The following FGF12 variants were observed in gnomAD, a reference collection of about 807,000 sequenced individuals.
FGF12 encodes the protein fibroblast growth factor 12, also known as fibroblast growth factor 12B.
Under a neutral mutation model 23.6 loss-of-function variants are expected in FGF12, and 14 were observed. The ratio of observed to expected loss-of-function variants is 0.59; its 90% confidence interval spans 0.39 to 0.93. FGF12 has a LOEUF of 0.93. Ranked by LOEUF, FGF12 falls within the 40% of genes least tolerant of loss-of-function variation. The pLI, the probability that FGF12 is intolerant of heterozygous loss-of-function variation, is 0.00. For missense variants in FGF12, 175 were observed against 217.8 expected, an observed-to-expected ratio of 0.80 and a Z score of 1.24; for synonymous variants, 62 against 77.3, an observed-to-expected ratio of 0.80 and a Z score of 1.04.
chr3:192,601,363 T>C (rs1714108288), intron 2 of FGF12, among the ~76,000 whole-genome samples: 1 of 152,146 alleles, frequency 6.6e-6, no homozygotes, highest in African/African-American at 2.4e-5. Flanking sequence ...GAGTAAGTTC[T>C]AGTGTTCCAT....
Position 192,439,753 on chromosome 3 carries a change from A to G in FGF12, c.14-79215T>C, listed in dbSNP as rs557997179. ...GCACTTTGGGAGGCCAAGGTGGGTG[A>G]ATCACAAGGTCAGGAGTTCAAGACC... On this transcript the variant is annotated intron_variant, in intron 2 of 5. Coordinates refer to ENST00000445105, the MANE Select transcript of FGF12 (RefSeq NM_004113.6). Among the ~76,000 whole-genome samples, 171 of 152,140 alleles carry G rather than the reference A, an allele frequency of 1.1e-3. 1 individual carries two copies. The highest frequency in any genetic ancestry group is 1.9e-3 in the Admixed American group (29 of 15,278).
chr3:192,654,908 A>T (rs753566187), intron 2 of FGF12, among the ~76,000 whole-genome samples: 1 of 152,164 alleles, frequency 6.6e-6, no homozygotes, highest in African/African-American at 2.4e-5. Context: ...AAAAAAAAAT[A>T]GTCAACTAGA....
At chr3:192,424,398 T>C (rs1402205911) in intron 2 of FGF12, among the ~76,000 whole-genome samples, 1 of 152,202 alleles carries the variant, frequency 6.6e-6, no homozygotes, top group Non-Finnish European at 1.5e-5. Context: ...ACATAGGAGC[T>C]GAAAGGCAGG....
chr3:192,499,245 T>C (rs1044421127), intron 2 of FGF12, among the ~76,000 whole-genome samples: 9 of 151,964 alleles, frequency 5.9e-5, no homozygotes, highest in East Asian at 5.8e-4. Flanking sequence ...ATGAGAATTT[T>C]GAGAGTCAAA....
chr3:192,573,029 C>A (rs1344139243), intron 2 of FGF12, among the ~76,000 whole-genome samples: 1 of 152,074 alleles, frequency 6.6e-6, no homozygotes, highest in Non-Finnish European at 1.5e-5. Flanking sequence ...AAGGTATTTT[C>A]TTTTATACTT....
At chr3:192,539,856 T>C (rs1725321940) in intron 2 of FGF12, among the ~76,000 whole-genome samples, 1 of 152,136 alleles carries the variant, frequency 6.6e-6, no homozygotes, top group Non-Finnish European at 1.5e-5. Flanking sequence ...TTTTGGATTT[T>C]TTTTCATGTT....
intron 4 of FGF12, among the ~76,000 whole-genome samples, chr3:192,172,390 C>G (rs980034420): frequency 6.8e-6 from 1 of 147,864 alleles, no homozygotes; most frequent in Non-Finnish European, 1.5e-5. Context: ...GGATCTCAAC[C>G]CCCCCTTCAA....
At chr3:192,625,638 A>G (rs1174741477) in intron 2 of FGF12, among the ~76,000 whole-genome samples, 1 of 152,186 alleles carries the variant, frequency 6.6e-6, no homozygotes, top group African/African-American at 2.4e-5. Context: ...AAATACATAA[A>G]GGAAAAATCT....
chr3:192,280,621 TA>T (rs930725809), intron 4 of FGF12, among the ~76,000 whole-genome samples: 2 of 151,996 alleles, frequency 1.3e-5, no homozygotes, highest in African/African-American at 4.8e-5. Context: ...TTTATGATAT[TA>T]TTTTTTTCTC....
chr3:192,446,289 G>C (rs896541064), intron 2 of FGF12, among the ~76,000 whole-genome samples: 6 of 152,160 alleles, frequency 3.9e-5, no homozygotes, highest in African/African-American at 1.4e-4. Flanking sequence ...GAAAAACATA[G>C]ATTGGTATTC....
chr3:192,713,354 A>G (rs775005740), intron 2 of FGF12, among the ~76,000 whole-genome samples: 5 of 152,206 alleles, frequency 3.3e-5, no homozygotes, highest in Non-Finnish European at 7.4e-5. Flanking sequence ...AATATCAACA[A>G]GAGTCGAAAG....
chr3:192,474,551 T>C (rs1212954936), intron 2 of FGF12, among the ~76,000 whole-genome samples: 1 of 152,112 alleles, frequency 6.6e-6, no homozygotes, highest in Non-Finnish European at 1.5e-5. Context: ...TTTTGTTGGG[T>C]TCACAGATGT....
chr3:192,583,914 G>C (rs1713262986), intron 2 of FGF12, among the ~76,000 whole-genome samples: 1 of 152,150 alleles, frequency 6.6e-6, no homozygotes, highest in Non-Finnish European at 1.5e-5. Context: ...TACAAAGCCT[G>C]CTGAGCTGTT....
intron 2 of FGF12, among the ~76,000 whole-genome samples, chr3:192,401,784 T>C (rs67772444): frequency 0.25 from 38,410 of 152,156 alleles, 5,950 homozygotes; most frequent in Non-Finnish European, 0.35. Context: ...CCCCTTGTTC[T>C]TATTGCTTCA....
intron 2 of FGF12, among the ~76,000 whole-genome samples, chr3:192,608,574 G>A (rs576085680): frequency 2.0e-5 from 3 of 152,146 alleles, no homozygotes; most frequent in Admixed American, 6.6e-5. Flanking sequence ...TGGCAGAATC[G>A]TCTCATATTT....
At chr3:192,711,940 C>CA (rs60779864) in intron 2 of FGF12, among the ~76,000 whole-genome samples, 2,359 of 50,584 alleles carry the variant, frequency 0.047, 34 homozygotes, top group South Asian at 0.095. Context: ...CAAGAACGAT[C>CA]AAAAAAAAAA....
chr3:192,161,350 C>T (rs951631821), intron 5 of FGF12, among the ~76,000 whole-genome samples: 2 of 152,112 alleles, frequency 1.3e-5, no homozygotes, highest in African/African-American at 2.4e-5. Context: ...TTAATTCTTC[C>T]ATGAGAAATA....
At position 192,493,721 on chromosome 3, in the gene FGF12, G is replaced by C. The variant is rs181591493; in HGVS notation, c.14-133183C>G. 1.1e-3 allele frequency among the ~76,000 whole-genome samples: 161 copies of C among 152,204 alleles called. 1 individual carries two copies. The highest frequency in any genetic ancestry group is 3.7e-3 in the African/African-American group (153 of 41,512). The stretch of plus-strand genomic sequence containing the variant: ...AGACCAGGAGGAAGAGAGAGAAAAG[G>C]GGGAGGTGCCACACACTTTTAAATA... On this transcript the variant is annotated intron_variant, in intron 2 of 5. Transcript: ENST00000445105.
chr3:192,306,492 C>T (rs956892373), intron 4 of FGF12, among the ~76,000 whole-genome samples: 2 of 152,144 alleles, frequency 1.3e-5, no homozygotes, highest in African/African-American at 4.8e-5. Flanking sequence ...GTGGCTCACA[C>T]TTGTAATCCC....
Sources: gnomAD v4.1 joint callset for allele counts (sites outside exome capture counted in the v4.1 genomes callset) on GRCh38, gnomAD v4.1.1 for gene constraint, MANE v1.5 for transcripts, NCBI Gene and HGNC (gene_info 2026-07-23, HGNC 2026-07-21) for gene names.